The following GRID2 variants were observed in gnomAD, a reference collection of about 807,000 sequenced individuals.
GRID2 encodes glutamate receptor ionotropic, delta-2.
A neutral mutation model predicts 114.8 loss-of-function variants in GRID2; 33 were observed. The ratio of observed to expected loss-of-function variants is 0.29; its 90% CI spans 0.22 to 0.38. The LOEUF is 0.38. Ranked by LOEUF, GRID2 falls within the 10% of genes least tolerant of loss-of-function variation. The pLI, the probability that GRID2 is intolerant of heterozygous loss-of-function variation, is 1.00. For missense variants in GRID2, 1,184 were observed against 1,257.7 expected (o/e 0.94, Z 0.89); for synonymous variants, 505 against 449.9 (o/e 1.12, Z -1.55).
At chr4:93,108,014 C>T (rs2149348316) in intron 3 of GRID2, among the ~76,000 whole-genome samples, 1 of 152,310 alleles carries the variant, frequency 6.6e-6, no homozygotes. Flanking sequence ...ACTAGCTAGG[C>T]TGCAACCACA....
intron 2 of GRID2, among the ~76,000 whole-genome samples, chr4:92,928,382 G>T (rs2149516687): frequency 6.6e-6 from 1 of 151,718 alleles, no homozygotes; most frequent in Admixed American, 6.6e-5. Context: ...TGTAGAGAAT[G>T]TAGTCAACTC....
At chr4:93,471,650 A>G (rs1032025702) in intron 11 of GRID2, among the ~76,000 whole-genome samples, 1 of 143,866 alleles carries the variant, frequency 7.0e-6, no homozygotes, top group Non-Finnish European at 1.5e-5. Context: ...TTTAAGACAT[A>G]TTCCTTATTC....
intron 8 of GRID2, among the ~76,000 whole-genome samples, chr4:93,374,135 A>G (rs1763171520): frequency 6.6e-6 from 1 of 152,194 alleles, no homozygotes; most frequent in Non-Finnish European, 1.5e-5. Flanking sequence ...AGATGTTGTC[A>G]TGTAGATGAA....
rs540615622 is a variant in GRID2, at chr4:92,792,625, T to C, written c.244+202339T>C. Among the ~76,000 whole-genome samples, 19 of 151,866 alleles carry C rather than the reference T, an allele frequency of 1.3e-4. No homozygotes were observed. In the South Asian group the frequency reaches 3.3e-3, roughly 27 times the overall value. ...TAGACCCATATGGTTCTTGGAGATA[T>C]GGTCTAAAAATGTAATTGTTTGAAA... On this transcript the variant is annotated intron_variant, in intron 2 of 15. Coordinates refer to ENST00000282020, the MANE Select transcript of GRID2 (RefSeq NM_001510.4).
intron 2 of GRID2, among the ~76,000 whole-genome samples, chr4:92,709,572 GAAAA>G (rs767320278): frequency 2.0e-5 from 2 of 101,060 alleles, no homozygotes; most frequent in Admixed American, 1.2e-4. Context: ...ATAGTGTAGA[GAAAA>G]AAAAAAAAAA....
At chr4:92,813,947 T>A (rs755091824) in intron 2 of GRID2, among the ~76,000 whole-genome samples, 3 of 152,144 alleles carry the variant, frequency 2.0e-5, no homozygotes, top group Non-Finnish European at 4.4e-5. Context: ...AGTTCTCTGT[T>A]CCTACTCATT....
At chr4:92,698,144 C>A (rs1371889781) in intron 2 of GRID2, among the ~76,000 whole-genome samples, 1 of 152,094 alleles carries the variant, frequency 6.6e-6, no homozygotes, top group East Asian at 1.9e-4. Flanking sequence ...GGTTGTCTTT[C>A]TGTCTAAATG....
chr4:93,530,585 G>A (rs2149512914), intron 13 of GRID2, among the ~76,000 whole-genome samples: 1 of 152,130 alleles, frequency 6.6e-6, no homozygotes, highest in South Asian at 2.1e-4. Context: ...GTACTATGAT[G>A]TCTTTCCTAA....
At chr4:93,707,112 A>G (rs180879233) in intron 14 of GRID2, among the ~76,000 whole-genome samples, 1 of 151,926 alleles carries the variant, frequency 6.6e-6, no homozygotes, top group African/African-American at 2.4e-5. Flanking sequence ...TTGCTGGTGT[A>G]TTGTTAAGGA....
intron 2 of GRID2, among the ~76,000 whole-genome samples, chr4:92,971,347 A>T (rs1236028376): frequency 6.6e-6 from 1 of 152,062 alleles, no homozygotes; most frequent in East Asian, 1.9e-4. Context: ...TTGCAATCAA[A>T]TCCTAGATAG....
intron 7 of GRID2, among the ~76,000 whole-genome samples, chr4:93,226,213 A>G (rs1455551366): frequency 1.3e-5 from 2 of 152,166 alleles, no homozygotes; most frequent in Non-Finnish European, 2.9e-5. Context: ...AACTTGTTTC[A>G]GCATTAACTC....
intron 1 of GRID2, among the ~76,000 whole-genome samples, chr4:92,339,340 C>G (rs901288227): frequency 6.6e-6 from 1 of 152,056 alleles, no homozygotes; most frequent in African/African-American, 2.4e-5. Flanking sequence ...GTTGAGAGAG[C>G]AGCTACTGTA....
chr4:92,384,615 G>T (rs62311035), intron 1 of GRID2, among the ~76,000 whole-genome samples: 1 of 50,736 alleles, frequency 2.0e-5, no homozygotes, highest in Non-Finnish European at 3.7e-5. Flanking sequence ...TATAATATAT[G>T]TTATATATTA....
chr4:92,535,202 A>C (rs1725552167), intron 1 of GRID2, among the ~76,000 whole-genome samples: 1 of 152,156 alleles, frequency 6.6e-6, no homozygotes, highest in South Asian at 2.1e-4. Context: ...TTATATTTTA[A>C]GAATCTATAT....
intron 4 of GRID2, among the ~76,000 whole-genome samples, chr4:93,129,831 C>T (rs1734631342): frequency 6.6e-6 from 1 of 151,992 alleles, no homozygotes; most frequent in Non-Finnish European, 1.5e-5. Context: ...GAACTTACAA[C>T]AAATTTGGGG....
chr4:93,227,657 G>A (rs1481468266), intron 7 of GRID2, among the ~76,000 whole-genome samples: 1 of 152,186 alleles, frequency 6.6e-6, no homozygotes, highest in East Asian at 1.9e-4. Context: ...GTTATGTACA[G>A]GTAAAAGTAG....
intron 14 of GRID2, among the ~76,000 whole-genome samples, chr4:93,656,250 T>A (rs1198622701): frequency 6.6e-6 from 1 of 152,090 alleles, no homozygotes; most frequent in African/African-American, 2.4e-5. Context: ...TTAGAACAGA[T>A]AAATGTATTT....
chr4:93,405,124 C>T (rs370320228), intron 9 of GRID2, among the ~76,000 whole-genome samples: 1 of 152,008 alleles, frequency 6.6e-6, no homozygotes, highest in Non-Finnish European at 1.5e-5. Flanking sequence ...ACAGTGTAAT[C>T]AGTAGACATA....
At chr4:93,270,646 T>C (rs1329398749) in intron 8 of GRID2, among the ~76,000 whole-genome samples, 1 of 152,102 alleles carries the variant, frequency 6.6e-6, no homozygotes, top group Admixed American at 6.5e-5. Flanking sequence ...TGTTTTTTTT[T>C]GAGGTGGAGT....
Sources: gnomAD v4.1 joint callset for allele counts (sites outside exome capture counted in the v4.1 genomes callset) on GRCh38, gnomAD v4.1.1 for gene constraint, MANE v1.5 for transcripts, NCBI Gene and HGNC (gene_info 2026-07-23, HGNC 2026-07-21) for gene names.